ATP6V1B1: variants seen among roughly 807,000 people sequenced by gnomAD.
The protein encoded by ATP6V1B1 is ATPase H+ transporting V1 subunit B1, also known as V-type proton ATPase subunit B, kidney isoform.
Under a neutral mutation model 62.1 loss-of-function variants are expected in ATP6V1B1, and 41 were observed. The observed-to-expected ratio is 0.66, with a 90% confidence interval of 0.51 to 0.86. The LOEUF (loss-of-function observed/expected upper bound fraction) is 0.86. ATP6V1B1 is among the 40% of genes least tolerant of loss of function. The probability of loss-of-function intolerance (pLI) is 0.00; values close to 1 mark genes in which losing one functional copy is unlikely to be tolerated. For synonymous variants in ATP6V1B1, 253 were observed against 273.4 expected (o/e 0.93, Z 0.74); for missense variants, 651 against 697.5 (o/e 0.93, Z 0.75).
chr2:70,946,813 T>C (rs553404364), intron 2 of ATP6V1B1, among the ~76,000 whole-genome samples: 72 of 152,248 alleles, frequency 4.7e-4, no homozygotes, highest in Middle Eastern at 6.8e-3. Flanking sequence ...TCGGAACCTA[T>C]ACAGGTGTCC....
Position 70,963,477 on chromosome 2 carries a change from C to T in ATP6V1B1, c.1061-95C>T. The stretch of plus-strand genomic sequence containing the variant: ...CACCATCCATGCCCCCCACACATCC[C>T]TATCACTCCCATGAGGGAAACAGAC... On this transcript the variant is annotated intron_variant, in intron 10 of 13. Coordinates refer to ENST00000234396, the MANE Select transcript of ATP6V1B1 (RefSeq NM_001692.4). The surrounding 1 kb of genome is among the most constrained non-coding windows in gnomAD (Gnocchi z 4.3). 1 of 1,530,732 alleles carries T rather than the reference C, an allele frequency of 6.5e-7. No individual in the cohort carries two copies. The allele number at this position is 1,530,732 out of a possible 1,614,324, so 94.8% of individuals were successfully genotyped here.
chr2:70,941,656 T>G (rs1354572866), intron 1 of ATP6V1B1: 2 of 915,970 alleles, frequency 2.2e-6, no homozygotes, highest in African/African-American at 3.6e-5. Flanking sequence ...TCACTTTCAT[T>G]TGCCTAGCTT....
intron 11 of ATP6V1B1, chr2:70,964,125 T>TTTTTTTC: frequency 3.3e-6 from 1 of 306,664 alleles, no homozygotes; most frequent in Non-Finnish European, 6.0e-6. Context: ...TTTTTTTTTT[T>TTTTTTTC]TTTTTTTTTT....
intron 2 of ATP6V1B1, chr2:70,944,173 G>C (rs1553416904): frequency 1.6e-6 from 2 of 1,286,134 alleles, no homozygotes; most frequent in East Asian, 5.5e-5. Flanking sequence ...AAATTTTCTA[G>C]GGATCTTGAT....
chr2:70,960,283 C>T (rs1680554860), intron 6 of ATP6V1B1, among the ~76,000 whole-genome samples: 1 of 152,172 alleles, frequency 6.6e-6, no homozygotes, highest in South Asian at 2.1e-4. Flanking sequence ...CTTCAGGCTG[C>T]CCCAAATGAG....
chr2:70,936,234 C>A (rs1234597817), intron 1 of ATP6V1B1, among the ~76,000 whole-genome samples, 162 bp downstream of exon 1: 1 of 152,258 alleles, frequency 6.6e-6, no homozygotes, highest in Admixed American at 6.5e-5. Flanking sequence ...GTGGGGCCAC[C>A]TGGACCAGAG....
rs1553420710 is a variant in ATP6V1B1, at chr2:70,964,559, C to G, written c.1248+17C>G. Reference sequence around the variant, plus strand: ...AACCAGCTGGTAAGGAGAAGAGGGTCCGGGGGCTGGTAGGTCCTCTAGTTT... The same window carrying G: ...AACCAGCTGGTAAGGAGAAGAGGGTGCGGGGGCTGGTAGGTCCTCTAGTTT... On this transcript the variant is annotated intron_variant, in intron 12 of 13. Transcript: ENST00000234396. 2.5e-6 allele frequency: 4 copies of G among 1,613,020 alleles called. No homozygotes were observed. Among genetic ancestry groups the G allele is most frequent in the Non-Finnish European group, 3.4e-6 (4 of 1,179,036 alleles).
At chr2:70,943,466 G>T (rs782010742) in intron 1 of ATP6V1B1, 192 bp from the exon 2 acceptor site, 133 of 711,116 alleles carry the variant, frequency 1.9e-4, no homozygotes, top group Non-Finnish European at 2.5e-4. Context: ...TGTCCGAGCA[G>T]CAGGGGCCCT....
chr2:70,956,661 T>G (rs558166369), intron 2 of ATP6V1B1, among the ~76,000 whole-genome samples: 116 of 152,222 alleles, frequency 7.6e-4, no homozygotes, highest in African/African-American at 2.7e-3. Context: ...GGAGTACAGT[T>G]GCATGATCTT....
intron 2 of ATP6V1B1, among the ~76,000 whole-genome samples, chr2:70,948,861 G>A (rs1253948346): frequency 6.6e-6 from 1 of 152,146 alleles, no homozygotes; most frequent in African/African-American, 2.4e-5. Flanking sequence ...TCGACCAGCA[G>A]GGGTTCCCTG....
At chr2:70,937,695 AGTGTG>A (rs1197749739) in intron 1 of ATP6V1B1, among the ~76,000 whole-genome samples, 4 of 151,704 alleles carry the variant, frequency 2.6e-5, no homozygotes, top group Non-Finnish European at 5.9e-5. Flanking sequence ...CTGGGTGCTG[AGTGTG>A]GTGTGTGATC....
intron 2 of ATP6V1B1, among the ~76,000 whole-genome samples, chr2:70,953,517 T>C (rs1427451612): frequency 6.6e-6 from 1 of 152,212 alleles, no homozygotes; most frequent in Admixed American, 6.5e-5. Context: ...CTTGGTCTTT[T>C]AAAATTTCTG....
chr2:70,942,343 G>A (rs868916110), intron 1 of ATP6V1B1: 5 of 398,556 alleles, frequency 1.3e-5, no homozygotes, highest in Middle Eastern at 6.2e-4. Context: ...CTCAAGGCCC[G>A]GAGTTTTCCA....
intron 2 of ATP6V1B1, among the ~76,000 whole-genome samples, chr2:70,955,212 A>G (rs1428270191): frequency 6.6e-6 from 1 of 152,190 alleles, no homozygotes; most frequent in African/African-American, 2.4e-5. Context: ...TCTGTCACCC[A>G]GGCTGACGTG....
chr2:70,960,387 C>T (rs1680557832), intron 6 of ATP6V1B1, among the ~76,000 whole-genome samples: 1 of 152,218 alleles, frequency 6.6e-6, no homozygotes. Flanking sequence ...CTCACCCGCT[C>T]CTGCTTCTCT....
intron 8 of ATP6V1B1, 33 bp downstream of exon 8, chr2:70,961,726 G>C (rs1224070267): frequency 6.3e-7 from 1 of 1,598,708 alleles, no homozygotes; most frequent in African/African-American, 1.3e-5. Flanking sequence ...ACTGCCCTCA[G>C]GTGGGCAGAC....
intron 7 of ATP6V1B1, 40 bp from the exon 8 acceptor site, chr2:70,961,556 C>A: frequency 6.2e-7 from 1 of 1,604,402 alleles, no homozygotes; most frequent in Non-Finnish European, 8.5e-7. Context: ...GCCCTCAGGC[C>A]ACAGGGCCCT....
Position 70,963,311 on chromosome 2 carries a change from C to G in ATP6V1B1, c.1059C>G (p.Asp353Glu). 6.2e-7 allele frequency: 1 copy of G among 1,612,910 alleles called. No homozygotes were observed. Among genetic ancestry groups the G allele is most frequent in the Non-Finnish European group, 8.5e-7 (1 of 1,180,018 alleles). ...TQIPILTMPNDDITHPIPDLT... is the reference protein window; with the variant it reads ...TQIPILTMPNEDITHPIPDLT... ...TCCCCATCCTCACCATGCCCAACGA[C>G]GGTAGCCTCCTCACAGCCCACTACC... The change falls in exon 10 of 14, where the codon GAC (aspartate) becomes GAG (glutamate). Residue 353 changes from aspartate (D) to glutamate (E), a missense_variant and splice_region_variant. Transcript: ENST00000234396. The surrounding 1 kb of genome is among the most constrained non-coding windows in gnomAD (Gnocchi z 4.3).
At chr2:70,957,988 G>A (rs1475756155) in intron 2 of ATP6V1B1, 58 bp from the exon 3 acceptor site, 66 of 1,513,402 alleles carry the variant, frequency 4.4e-5, no homozygotes, top group Non-Finnish European at 5.6e-5. Flanking sequence ...GGCCGGAGGA[G>A]GAGAAGGGAC....
Sources: gnomAD v4.1 joint callset for allele counts (sites outside exome capture counted in the v4.1 genomes callset) on GRCh38, gnomAD v4.1.1 for gene constraint, Gnocchi (gnomAD v3.1) non-coding constraint, MANE v1.5 for transcripts, NCBI Gene and HGNC (gene_info 2026-07-23, HGNC 2026-07-21) for gene names.